PRKN: variants seen among roughly 807,000 people sequenced by gnomAD.
The protein encoded by PRKN is parkin RBR E3 ubiquitin protein ligase, also known as E3 ubiquitin-protein ligase parkin.
Under a neutral mutation model 59.5 loss-of-function variants are expected in PRKN, and 56 were observed. That is an observed-to-expected ratio of 0.94 (90% CI 0.76 to 1.18). The LOEUF (loss-of-function observed/expected upper bound fraction) is 1.18, where lower values mean the gene tolerates loss of function less well. Ranked by LOEUF, PRKN falls within the 50% of genes most tolerant of loss-of-function variation. The pLI is 0.00. For missense variants in PRKN, 657 were observed against 596.4 expected (o/e 1.10, Z -1.06); for synonymous variants, 250 against 222.1 (o/e 1.13, Z -1.12).
intron 5 of PRKN, among the ~76,000 whole-genome samples, chr6:162,002,307 G>C (rs539087330): frequency 1.4e-4 from 22 of 152,128 alleles, no homozygotes; most frequent in African/African-American, 4.8e-4. Flanking sequence ...TCTTTGGAAG[G>C]TTATTAATTC....
chr6:161,752,323 G>A (rs1253519966), intron 7 of PRKN, among the ~76,000 whole-genome samples: 8 of 151,962 alleles, frequency 5.3e-5, no homozygotes, highest in Middle Eastern at 3.4e-3. Flanking sequence ...AGCCGAGATC[G>A]CGCCACTGCA....
At position 161,357,493 on chromosome 6, in the gene PRKN, G is replaced by A. The variant is rs1166328666; in HGVS notation, c.1285+2595C>T. Among the ~76,000 whole-genome samples, 1 of 152,232 alleles carries A rather than the reference G, an allele frequency of 6.6e-6. No individual in the cohort carries two copies. The highest frequency in any genetic ancestry group is 1.5e-5 in the Non-Finnish European group (1 of 68,054). ...ACGCCTGCCAGAAGTGGGAACATGG[G>A]TGGGTGTTTAAGGATCCCCTTTCCC... On this transcript the variant is annotated intron_variant, in intron 11 of 11. Transcript: ENST00000366898. The surrounding 1 kb of genome is among the most constrained non-coding windows in gnomAD (Gnocchi z 5.5).
At chr6:162,389,218 T>C (rs1419426385) in intron 2 of PRKN, among the ~76,000 whole-genome samples, 1 of 151,946 alleles carries the variant, frequency 6.6e-6, no homozygotes, top group Non-Finnish European at 1.5e-5. Flanking sequence ...CCACACAACA[T>C]ATAGGAGCCC....
intron 1 of PRKN, among the ~76,000 whole-genome samples, chr6:162,693,311 T>C (rs1353004754): frequency 6.6e-6 from 1 of 152,206 alleles, no homozygotes; most frequent in African/African-American, 2.4e-5. Flanking sequence ...TAATGCTGCA[T>C]CCTCAGTAGA....
intron 5 of PRKN, among the ~76,000 whole-genome samples, chr6:161,988,174 GA>G (rs1040275796): frequency 3.0e-4 from 45 of 152,098 alleles, no homozygotes; most frequent in African/African-American, 1.1e-3. Context: ...TTCCAAAGGG[GA>G]AAAAAAATTT....
In PRKN at chr6:161,360,158, T is replaced by A; in HGVS notation, c.1215A>T (p.Ala405=). ...ERAAEQARWE[A]ASKETIKKTT... ...TTTTCTTGATGGTTTCTTTGGAGGC[T>A]GCTTCCCAACGAGCCTGCTCGGCGG... The change falls in exon 11 of 12, where the codon GCA becomes GCT. Residue 405 remains alanine (A), a synonymous_variant. Coordinates refer to ENST00000366898, the MANE Select transcript of PRKN (RefSeq NM_004562.3). This position sits in a 1 kb window ranked among gnomAD's most constrained non-coding sequence, Gnocchi z 5.1. 1 of 1,614,232 alleles carries A rather than the reference T, an allele frequency of 6.2e-7. No individual in the cohort carries two copies. Among genetic ancestry groups the A allele is most frequent in the South Asian group, 1.1e-5 (1 of 91,088 alleles).
intron 7 of PRKN, among the ~76,000 whole-genome samples, chr6:161,750,047 G>A (rs1413265813): frequency 2.0e-5 from 3 of 151,094 alleles, no homozygotes; most frequent in Non-Finnish European, 4.4e-5. Context: ...AATACCACTT[G>A]ACTGGATATT....
rs6929674 is a variant in PRKN, at chr6:162,427,653, T to G, written c.171+15657A>C. Among the ~76,000 whole-genome samples, 1,276 of 148,686 alleles carry G rather than the reference T, an allele frequency of 8.6e-3. 26 individuals are homozygous for G. Among genetic ancestry groups the G allele is most frequent in the African/African-American group, 0.027 (1,072 of 39,534 alleles). On this transcript the variant is annotated intron_variant, in intron 2 of 11. Transcript: ENST00000366898. ...AGGCTGGTAAATAAATGTTTTTTTT[T>G]CTTTTTTTTTTTGATGGAGTCTCGC...
At chr6:161,993,975 T>C (rs1024039320) in intron 5 of PRKN, among the ~76,000 whole-genome samples, 1 of 152,158 alleles carries the variant, frequency 6.6e-6, no homozygotes, top group Non-Finnish European at 1.5e-5. Context: ...AATCTATTCA[T>C]GAGGAACTGC....
chr6:162,434,788 G>A (rs1355117728), intron 2 of PRKN, among the ~76,000 whole-genome samples: 1 of 152,120 alleles, frequency 6.6e-6, no homozygotes, highest in East Asian at 1.9e-4. Context: ...ACTCCCATAT[G>A]TATTCATCAT....
Position 161,447,940 on chromosome 6 carries a change from C to T in PRKN, c.1084-61063G>A, listed in dbSNP as rs1333727262. 6.6e-6 allele frequency among the ~76,000 whole-genome samples: 1 copy of T among 152,200 alleles called. No individual in the cohort carries two copies. Among genetic ancestry groups the T allele is most frequent in the Non-Finnish European group, 1.5e-5 (1 of 68,040 alleles). ...GTTTTTTCTCTCTGGTGCGTGACCA[C>T]TGCTTCCTGATTTTTGTGTTGAGAT... On this transcript the variant is annotated intron_variant, in intron 9 of 11. Transcript: ENST00000366898. The surrounding 1 kb of genome is among the most constrained non-coding windows in gnomAD (Gnocchi z 4.1).
chr6:162,656,589 A>G (rs1234303974), intron 1 of PRKN, among the ~76,000 whole-genome samples: 1 of 152,190 alleles, frequency 6.6e-6, no homozygotes, highest in African/African-American at 2.4e-5. Flanking sequence ...CTGCCATAGC[A>G]CATGAATGCA....
rs1784588102 is a variant in PRKN, at chr6:161,352,515, A to G, written c.1286-2304T>C. On this transcript the variant is annotated intron_variant, in intron 11 of 11. Transcript: ENST00000366898. The surrounding 1 kb of genome is among the most constrained non-coding windows in gnomAD (Gnocchi z 5.8). ...TTATATGGTGTGACATTATAAAACC[A>G]CTTGTTTCTCTAAAATATCATAAAT... 6.6e-6 allele frequency among the ~76,000 whole-genome samples: 1 copy of G among 151,856 alleles called. No homozygotes were observed. Among genetic ancestry groups the G allele is most frequent in the African/African-American group, 2.4e-5 (1 of 41,394 alleles).
chr6:161,711,054 A>G (rs549491272), intron 7 of PRKN, among the ~76,000 whole-genome samples: 1 of 152,114 alleles, frequency 6.6e-6, no homozygotes, highest in African/African-American at 2.4e-5. Flanking sequence ...GTTGATCTGA[A>G]AGACAAACTA....
In PRKN at chr6:161,442,384, G is replaced by A. The variant is rs1224666158; in HGVS notation, c.1084-55507C>T. Reference sequence around the variant, plus strand: ...CCTTAATCTTGAAGGCTAGATTTAAGACACTATTCTTACTGTCCACAAACA... The same window carrying A: ...CCTTAATCTTGAAGGCTAGATTTAAAACACTATTCTTACTGTCCACAAACA... On this transcript the variant is annotated intron_variant, in intron 9 of 11. Transcript: ENST00000366898. The surrounding 1 kb of genome is among the most constrained non-coding windows in gnomAD (Gnocchi z 4.6). Among the ~76,000 whole-genome samples the A allele has an allele frequency of 2.6e-5, 4 of 152,174 alleles. No homozygotes were observed. The highest frequency in any genetic ancestry group is 5.9e-5 in the Non-Finnish European group (4 of 68,022).
rs1291573012 is a variant in PRKN at position 161,516,489 on chromosome 6, AAAAAG to A, written c.1083+32360_1083+32364del. ...TTCTAAAAAAAAAAAAAAAAAAAAA[AAAAAG>A]AAGAAGAAGAAAGAAGAAAGAAGAA... is the stretch of plus-strand genomic sequence containing the variant. On this transcript the variant is annotated intron_variant, in intron 9 of 11. Transcript: ENST00000366898. 5.0e-4 allele frequency among the ~76,000 whole-genome samples: 59 copies of A among 118,990 alleles called. 3 individuals are homozygous for A. The highest frequency in any genetic ancestry group is 1.3e-3 in the South Asian group (5 of 3,866). The allele number at this position is 118,990 out of a possible 152,430, so 78.1% of individuals were successfully genotyped here. A position where few individuals can be genotyped will look rare whatever the true frequency, so the allele number is the denominator to read the frequency against.
At chr6:162,461,499 C>CAAAAA (rs780424226) in intron 1 of PRKN, among the ~76,000 whole-genome samples, 406 of 36,540 alleles carry the variant, frequency 0.011, 8 homozygotes, top group South Asian at 0.019. Flanking sequence ...TAAAGTGTCT[C>CAAAAA]AAAAAAAAAA....
intron 4 of PRKN, among the ~76,000 whole-genome samples, chr6:162,198,169 T>C (rs1459833980): frequency 6.6e-6 from 1 of 152,106 alleles, no homozygotes; most frequent in Non-Finnish European, 1.5e-5. Flanking sequence ...AGAAACAGCA[T>C]GAATTTAAAT....
At chr6:161,818,646 A>C (rs189548301) in intron 6 of PRKN, among the ~76,000 whole-genome samples, 1 of 152,150 alleles carries the variant, frequency 6.6e-6, no homozygotes, top group East Asian at 1.9e-4. Flanking sequence ...AGTCACTTTC[A>C]AACAGAATTT....
Sources: allele counts gnomAD v4.1 joint callset (sites outside exome capture counted in the v4.1 genomes callset), GRCh38; gene constraint gnomAD v4.1.1; non-coding constraint Gnocchi (gnomAD v3.1); transcripts MANE v1.5; gene names NCBI Gene and HGNC (gene_info 2026-07-23, HGNC 2026-07-21).